GLCE: variants seen among roughly 807,000 people sequenced by gnomAD.
GLCE encodes the protein D-glucuronyl C5-epimerase.
GLCE carries 19 observed loss-of-function variants against 47.9 expected under a neutral mutation model. That is an observed-to-expected ratio of 0.40 (90% CI 0.28 to 0.58). GLCE has a LOEUF of 0.58. Ranked by LOEUF, GLCE falls within the 20% of genes least tolerant of loss-of-function variation. The pLI is 0.48. For synonymous variants in GLCE, 245 were observed against 263.4 expected, an observed-to-expected ratio of 0.93 and a Z score of 0.68; for missense variants, 556 against 743.3, an observed-to-expected ratio of 0.75 and a Z score of 2.93.
At chr15:69,196,445 A>AT (rs1211241852) in intron 1 of GLCE, 5 of 160,108 alleles carry the variant, frequency 3.1e-5, no homozygotes, top group African/African-American at 1.2e-4. Flanking sequence ...CAAAAAGCAA[A>AT]TTCAAGTGAT....
At chr15:69,260,991 G>T (rs2140447336) in intron 3 of GLCE, 96 bp from the exon 4 acceptor site, 1 of 1,192,724 alleles carries the variant, frequency 8.4e-7, no homozygotes, top group East Asian at 2.4e-5. Context: ...TGATAACCCT[G>T]TAAGATCCCC....
chr15:69,229,070 T>C (rs776481681), intron 2 of GLCE, among the ~76,000 whole-genome samples: 9 of 152,164 alleles, frequency 5.9e-5, no homozygotes, highest in Non-Finnish European at 1.3e-4. Context: ...ATGCAAATGC[T>C]AATCAAAGGA....
chr15:69,263,006 G>A (rs1224473527), intron 4 of GLCE, among the ~76,000 whole-genome samples: 1 of 152,130 alleles, frequency 6.6e-6, no homozygotes, highest in African/African-American at 2.4e-5. Flanking sequence ...CACATAGCCC[G>A]AGGGTAACAT....
chr15:69,178,770 A>G (rs986832251), intron 1 of GLCE, among the ~76,000 whole-genome samples: 2 of 152,176 alleles, frequency 1.3e-5, no homozygotes, highest in Non-Finnish European at 2.9e-5. Context: ...TGTTAAAATG[A>G]TAAATATTCA....
chr15:69,193,060 T>C (rs1352522707), intron 1 of GLCE, among the ~76,000 whole-genome samples: 1 of 151,414 alleles, frequency 6.6e-6, no homozygotes, highest in Non-Finnish European at 1.5e-5. Context: ...TGTTGATCTC[T>C]TCTCTCAGGC....
At chr15:69,211,548 A>G (rs1272789695) in intron 2 of GLCE, among the ~76,000 whole-genome samples, 1 of 151,988 alleles carries the variant, frequency 6.6e-6, no homozygotes, top group Admixed American at 6.6e-5. Context: ...TTAGTGTTTA[A>G]ATAAACATAA....
intron 1 of GLCE, among the ~76,000 whole-genome samples, chr15:69,168,532 A>G (rs940375205): frequency 8.8e-5 from 9 of 102,674 alleles, no homozygotes; most frequent in African/African-American, 3.0e-4. Flanking sequence ...CATTCCATCT[A>G]TTCCTTTTTT....
chr15:69,190,920 G>C (rs528141881), intron 1 of GLCE, among the ~76,000 whole-genome samples: 19 of 151,880 alleles, frequency 1.3e-4, no homozygotes, highest in Non-Finnish European at 2.5e-4. Flanking sequence ...ATTGTCTTAG[G>C]AACTTTGCCT....
rs530064318 is a variant in GLCE at position 69,268,980 on chromosome 15, C to A, written c.1590C>A (p.Leu530=). Residue 530 remains leucine (L), a synonymous_variant, in exon 5 of 5, where the codon CTC becomes CTA. Coordinates refer to ENST00000261858, the MANE Select transcript of GLCE (RefSeq NM_015554.3). Reference sequence around the variant, plus strand: ...TAAAAGAAACTGCAGGGGAAAAACTCGGAAAAGAAGCAAGGTCCTTGTATG... The same window carrying A: ...TAAAAGAAACTGCAGGGGAAAAACTAGGAAAAGAAGCAAGGTCCTTGTATG... ...YDLKETAGEK[L]GKEARSLYER... is the part of the protein sequence containing the mutation. 2 of 1,614,034 alleles carry A rather than the reference C, an allele frequency of 1.2e-6. No individual in the cohort carries two copies. Among genetic ancestry groups the A allele is most frequent in the African/African-American group, 2.7e-5 (2 of 74,914 alleles).
chr15:69,186,188 C>T (rs2051820926), intron 1 of GLCE, among the ~76,000 whole-genome samples: 1 of 152,048 alleles, frequency 6.6e-6, no homozygotes, highest in African/African-American at 2.4e-5. Flanking sequence ...CTCATGACAT[C>T]AACATTCCTT....
At chr15:69,172,298 C>G (rs1452284422) in intron 1 of GLCE, among the ~76,000 whole-genome samples, 2 of 152,150 alleles carry the variant, frequency 1.3e-5, no homozygotes, top group Non-Finnish European at 2.9e-5. Flanking sequence ...ATCGAACACA[C>G]GTGTTGTCGG....
At chr15:69,247,901 G>T (rs1461256541) in intron 2 of GLCE, among the ~76,000 whole-genome samples, 1 of 152,136 alleles carries the variant, frequency 6.6e-6, no homozygotes, top group Non-Finnish European at 1.5e-5. Flanking sequence ...AATTAAAATA[G>T]CAACATTGAA....
intron 1 of GLCE, among the ~76,000 whole-genome samples, chr15:69,181,365 C>T (rs1286054397): frequency 6.6e-6 from 1 of 151,916 alleles, no homozygotes; most frequent in Non-Finnish European, 1.5e-5. Flanking sequence ...CATAAAGAGG[C>T]GAAGGTCCAG....
chr15:69,233,409 A>G (rs1469019593), intron 2 of GLCE, among the ~76,000 whole-genome samples: 1 of 152,192 alleles, frequency 6.6e-6, no homozygotes, highest in Non-Finnish European at 1.5e-5. Context: ...AGGCTCTATA[A>G]ATTTATACCA....
chr15:69,177,179 C>G (rs2051680583), intron 1 of GLCE, among the ~76,000 whole-genome samples: 1 of 152,042 alleles, frequency 6.6e-6, no homozygotes, highest in Non-Finnish European at 1.5e-5. Context: ...GCCACCACAC[C>G]CAGCTAATTT....
Position 69,261,224 on chromosome 15 carries a change from A to C in GLCE, c.724A>C (p.Arg242=). 1 of 1,614,190 alleles carries C rather than the reference A, an allele frequency of 6.2e-7. No individual in the cohort carries two copies. The highest frequency in any genetic ancestry group is 8.5e-7 in the Non-Finnish European group (1 of 1,180,014). Residue 242 remains arginine (R), a synonymous_variant, in exon 4 of 5, where the codon AGA becomes CGA. Coordinates refer to ENST00000261858, the MANE Select transcript of GLCE (RefSeq NM_015554.3). Reference sequence around the variant, plus strand: ...AGAGGTATATGAAACAGCAGAAGACAGAGACAAAAACAAGCCTAATGACTG... The same window carrying C: ...AGAGGTATATGAAACAGCAGAAGACCGAGACAAAAACAAGCCTAATGACTG... ...HIEVYETAED[R]DKNKPNDWTV...
intron 2 of GLCE, among the ~76,000 whole-genome samples, chr15:69,237,934 A>C (rs2052615073): frequency 6.6e-6 from 1 of 152,232 alleles, no homozygotes; most frequent in South Asian, 2.1e-4. Flanking sequence ...TGATTTATTT[A>C]CATAGCATAT....
intron 1 of GLCE, among the ~76,000 whole-genome samples, chr15:69,169,465 A>G (rs1448316479): frequency 1.3e-5 from 2 of 152,124 alleles, no homozygotes; most frequent in African/African-American, 2.4e-5. Context: ...GGTTTGTTAC[A>G]TATGTATACA....
intron 1 of GLCE, among the ~76,000 whole-genome samples, chr15:69,200,445 G>A (rs779720636): frequency 3.9e-5 from 6 of 152,066 alleles, no homozygotes; most frequent in Non-Finnish European, 8.8e-5. Flanking sequence ...CTGTTGTGTC[G>A]TTTTATACTT....
Sources: allele counts gnomAD v4.1 joint callset (sites outside exome capture counted in the v4.1 genomes callset), GRCh38; gene constraint gnomAD v4.1.1; transcripts MANE v1.5; gene names NCBI Gene and HGNC (gene_info 2026-07-23, HGNC 2026-07-21).